The following IFT27 variants were observed in gnomAD, a reference collection of about 807,000 sequenced individuals.
The protein encoded by IFT27 is intraflagellar transport protein 27 homolog.
Under a neutral mutation model 23.9 loss-of-function variants are expected in IFT27, and 19 were observed. The observed-to-expected ratio is 0.79, with a 90% CI of 0.55 to 1.16. The LOEUF (loss-of-function observed/expected upper bound fraction) is 1.16. Ranked by LOEUF, IFT27 falls within the 50% of genes most tolerant of loss-of-function variation. IFT27 has a pLI of 0.00. For missense variants in IFT27, 206 were observed against 228.7 expected (o/e 0.90, Z 0.64); for synonymous variants, 91 against 89.1 (o/e 1.02, Z -0.12).
At chr22:36,766,817 C>G (rs879918263) in intron 3 of IFT27, among the ~76,000 whole-genome samples, 2 of 152,154 alleles carry the variant, frequency 1.3e-5, no homozygotes, top group Non-Finnish European at 2.9e-5. Context: ...CTGGGTATTT[C>G]CTGGCTGGCC....
chr22:36,767,419 G>T, intron 2 of IFT27, 54 bp from the exon 3 acceptor site: 1 of 1,512,752 alleles, frequency 6.6e-7, no homozygotes, highest in Non-Finnish European at 9.1e-7. Context: ...GGGAGAGCAT[G>T]TTACAGGAGG....
At chr22:36,760,319 A>T (rs1196198477) in intron 6 of IFT27, 2 of 152,254 alleles carry the variant, frequency 1.3e-5, no homozygotes, top group Non-Finnish European at 2.9e-5. Context: ...ATCTTGGGAG[A>T]TCGCAACATA....
chr22:36,761,147 C>T (rs1437282117), intron 6 of IFT27: 2 of 152,310 alleles, frequency 1.3e-5, no homozygotes, highest in African/African-American at 4.8e-5. Context: ...CCACCCACTT[C>T]AACACCTCAA....
chr22:36,764,064 GGTCA>G (rs760473092), intron 4 of IFT27, 28 bp from the exon 5 acceptor site: 14 of 1,505,898 alleles, frequency 9.3e-6, no homozygotes, highest in South Asian at 1.1e-5. Context: ...GATGAGTATG[GGTCA>G]GTAACAGGAA....
At chr22:36,772,399 C>T (rs1323167721) in intron 1 of IFT27, 3 of 637,108 alleles carry the variant, frequency 4.7e-6, no homozygotes, top group Admixed American at 6.3e-5. Flanking sequence ...GCACCTACCC[C>T]ACAGAATTGT....
intron 1 of IFT27, among the ~76,000 whole-genome samples, chr22:36,770,195 G>A (rs188517700): frequency 2.0e-4 from 30 of 152,290 alleles, no homozygotes; most frequent in African/African-American, 6.5e-4. Context: ...GGCACGATGC[G>A]AGATCACCTG....
At chr22:36,764,958 G>C (rs1227992950) in intron 4 of IFT27, among the ~76,000 whole-genome samples, 1 of 152,218 alleles carries the variant, frequency 6.6e-6, no homozygotes, top group Non-Finnish European at 1.5e-5. Context: ...CCAGGGTACA[G>C]AAGAGAATCC....
Position 36,775,675 on chromosome 22 carries a change from T to C in IFT27, c.33A>G (p.Ala11=). Residue 11 remains alanine (A), a splice_region_variant and synonymous_variant, in exon 1 of 7, where the codon GCA becomes GCG. Coordinates refer to ENST00000433985, the MANE Select transcript of IFT27 (RefSeq NM_001177701.3). ...TCAAGCGCAAGTTTTCAGACTCACCTGCCAGGATGCATTTGGCTGCCAGCT... is the reference window on the plus strand; with the variant it reads ...TCAAGCGCAAGTTTTCAGACTCACCCGCCAGGATGCATTTGGCTGCCAGCT... MVKLAAKCIL[A]GDPAVGKTAL... The C allele has an allele frequency of 6.2e-7, 1 of 1,614,182 alleles. No individual in the cohort carries two copies. The highest frequency in any genetic ancestry group is 8.5e-7 in the Non-Finnish European group (1 of 1,180,008).
intron 6 of IFT27, 21 bp from the exon 7 acceptor site, chr22:36,758,430 G>C: frequency 6.3e-7 from 1 of 1,595,066 alleles, no homozygotes; most frequent in Non-Finnish European, 8.6e-7. Context: ...AGTTTAAAAA[G>C]TTGGCTGTGT....
intron 5 of IFT27, 38 bp downstream of exon 5, chr22:36,763,881 A>C (rs889970747): frequency 3.1e-5 from 44 of 1,409,806 alleles, no homozygotes; most frequent in Non-Finnish European, 4.1e-5. Flanking sequence ...CAAAGGACAG[A>C]GATGCCGCTG....
chr22:36,773,559 C>T (rs758446398), intron 1 of IFT27, among the ~76,000 whole-genome samples: 8 of 146,078 alleles, frequency 5.5e-5, no homozygotes, highest in Non-Finnish European at 1.2e-4. Context: ...GAGGCTGAGG[C>T]AGAAGAATCG....
chr22:36,774,506 A>G (rs979252946), intron 1 of IFT27, among the ~76,000 whole-genome samples: 1 of 152,132 alleles, frequency 6.6e-6, no homozygotes, highest in Non-Finnish European at 1.5e-5. Context: ...CCTCAGTAAG[A>G]TCAGAACAAT....
intron 4 of IFT27, among the ~76,000 whole-genome samples, chr22:36,765,092 C>T (rs1175053804): frequency 8.5e-5 from 13 of 152,258 alleles, no homozygotes; most frequent in East Asian, 1.9e-4. Context: ...ATGGGAGGAC[C>T]GTGGACTAAA....
chr22:36,763,821 G>A, intron 5 of IFT27, 98 bp downstream of exon 5: 2 of 893,518 alleles, frequency 2.2e-6, no homozygotes, highest in East Asian at 2.5e-5. Flanking sequence ...CAAGCCCAGG[G>A]CCCCTTCTCC....
chr22:36,761,360 G>T (rs989315709), intron 6 of IFT27: 2 of 152,216 alleles, frequency 1.3e-5, no homozygotes, highest in Non-Finnish European at 2.9e-5. Context: ...GCACAAAGGT[G>T]TGCTGCAGAA....
At position 36,764,040 on chromosome 22, in the gene IFT27, T is replaced by C. The variant is rs1195430220; in HGVS notation, c.235-4A>G. 2 of 1,587,308 alleles carry C rather than the reference T, an allele frequency of 1.3e-6. No homozygotes were observed. The highest frequency in any genetic ancestry group is 2.7e-5 in the African/African-American group (2 of 74,316). ...ATAAGACATTGGGACTCTCCCACTG[T>C]GCAAGAGGGACAGGATGAGTATGGG... On this transcript the variant is annotated splice_polypyrimidine_tract_variant and splice_region_variant and intron_variant, in intron 4 of 6. Coordinates refer to ENST00000433985, the MANE Select transcript of IFT27 (RefSeq NM_001177701.3).
At chr22:36,760,459 A>G (rs1938059698) in intron 6 of IFT27, 1 of 152,234 alleles carries the variant, frequency 6.6e-6, no homozygotes, top group African/African-American at 2.4e-5. Context: ...TCGTCTGATC[A>G]CTAATCATCA....
Position 36,775,828 on chromosome 22 carries a change from C to G in IFT27, c.-121G>C. The G allele has an allele frequency of 1.1e-6, 1 of 948,322 alleles. No homozygotes were observed. The highest frequency in any genetic ancestry group is 1.7e-6 in the Non-Finnish European group (1 of 600,208). 58.7% of individuals were successfully genotyped at this position (948,322 alleles called of 1,614,324 possible). Reference sequence around the variant, plus strand: ...GGAAGGTGGGGAGGGGAGGGCTGATCTCAAGGGTCAGTGGCCGCGACGGGA... The same window carrying G: ...GGAAGGTGGGGAGGGGAGGGCTGATGTCAAGGGTCAGTGGCCGCGACGGGA... On this transcript the variant is annotated 5_prime_UTR_variant, in exon 1 of 7. Transcript: ENST00000433985.
chr22:36,763,061 G>T, intron 5 of IFT27, 48 bp from the exon 6 acceptor site: 1 of 1,386,802 alleles, frequency 7.2e-7, no homozygotes, highest in Non-Finnish European at 1.0e-6. Context: ...GTCACACTCT[G>T]GAAGGACAGC....
Sources: gnomAD v4.1 joint callset for allele counts (sites outside exome capture counted in the v4.1 genomes callset) on GRCh38, gnomAD v4.1.1 for gene constraint, MANE v1.5 for transcripts, NCBI Gene and HGNC (gene_info 2026-07-23, HGNC 2026-07-21) for gene names.